CFTR: variants seen among roughly 807,000 people sequenced by gnomAD.
CFTR encodes CF transmembrane conductance regulator, also known as cystic fibrosis transmembrane conductance regulator.
A neutral mutation model predicts 171.6 loss-of-function variants in CFTR; 181 were observed. That is an observed-to-expected ratio of 1.05 (90% confidence interval 0.93 to 1.19). The LOEUF (loss-of-function observed/expected upper bound fraction) is 1.19. CFTR is among the 50% of genes most tolerant of loss of function. CFTR has a pLI of 0.00. For synonymous variants in CFTR, 583 were observed against 608.0 expected, an observed-to-expected ratio of 0.96 and a Z score of 0.60; for missense variants, 1,968 against 1,734.7, an observed-to-expected ratio of 1.13 and a Z score of -2.39.
In CFTR at chr7:117,666,976, C is replaced by G; in HGVS notation, c.4311C>G (p.Phe1437Leu). The G allele has an allele frequency of 6.2e-7, 1 of 1,614,026 alleles. No homozygotes were observed. Among genetic ancestry groups the G allele is most frequent in the Non-Finnish European group, 8.5e-7 (1 of 1,179,982 alleles). The change falls in exon 27 of 27, where the codon TTC becomes TTG. Residue 1437 changes from phenylalanine to leucine, a missense_variant. By Grantham distance (22) the Phe-to-Leu change is conservative. Transcript: ENST00000003084. ...IQKLLNERSL[F>L]RQAISPSDRV... Reference sequence around the variant, plus strand: ...AACTGCTGAACGAGAGGAGCCTCTTCCGGCAAGCCATCAGCCCCTCCGACA... The same window carrying G: ...AACTGCTGAACGAGAGGAGCCTCTTGCGGCAAGCCATCAGCCCCTCCGACA...
chr7:117,499,910 G>A (rs1798294740), intron 1 of CFTR, among the ~76,000 whole-genome samples: 1 of 152,154 alleles, frequency 6.6e-6, no homozygotes, highest in Admixed American at 6.5e-5. Flanking sequence ...GCTATGAATG[G>A]AGGTTATGAA....
intron 3 of CFTR, among the ~76,000 whole-genome samples, chr7:117,521,521 T>G (rs1363446158): frequency 6.6e-6 from 1 of 152,130 alleles, no homozygotes; most frequent in African/African-American, 2.4e-5. Context: ...TTTATCAGAT[T>G]CCTTTTCAGT....
chr7:117,631,955 AACAG>A (rs1197913242), intron 22 of CFTR, among the ~76,000 whole-genome samples: 5 of 152,172 alleles, frequency 3.3e-5, no homozygotes, highest in African/African-American at 9.6e-5. Flanking sequence ...CTATGCTAAT[AACAG>A]ACAGTTGTCA....
In CFTR at chr7:117,614,701, T is replaced by C; in HGVS notation, c.3456T>C (p.Asp1152=). The change falls in exon 21 of 27, where the codon GAT becomes GAC. Residue 1152 remains aspartate (D), a synonymous_variant. Transcript: ENST00000003084. ...TLQWAVNSSI[D]VDSLMRSVSR... ...AGTGGGCTGTAAACTCCAGCATAGA[T>C]GTGGATAGCTTGGTAAGTCTTATCA... The C allele has an allele frequency of 6.2e-7, 1 of 1,609,578 alleles. No homozygotes were observed. Among genetic ancestry groups the C allele is most frequent in the Non-Finnish European group, 8.5e-7 (1 of 1,176,192 alleles).
intron 11 of CFTR, among the ~76,000 whole-genome samples, chr7:117,581,627 C>T (rs1239786450): frequency 6.6e-6 from 1 of 152,122 alleles, no homozygotes; most frequent in Non-Finnish European, 1.5e-5. Context: ...CAAGTTAGGG[C>T]CAGAAAAGAC....
At position 117,550,648 on chromosome 7, in the gene CFTR, G is replaced by A. The variant is rs1799253382; in HGVS notation, c.1392+1825G>A. Among the ~76,000 whole-genome samples, 3 of 152,092 alleles carry A rather than the reference G, an allele frequency of 2.0e-5. 1 individual carries two copies. The South Asian group carries it at 6.2e-4, about 32-fold the overall frequency. Reference sequence around the variant, plus strand: ...TCATAGAATTTTTAAAATTAATTCTGCGTATGTCTTCAAGATCAATTCTAT... The same window carrying A: ...TCATAGAATTTTTAAAATTAATTCTACGTATGTCTTCAAGATCAATTCTAT... On this transcript the variant is annotated intron_variant, in intron 10 of 26. Transcript: ENST00000003084.
intron 11 of CFTR, among the ~76,000 whole-genome samples, chr7:117,585,716 G>A (rs938261477): frequency 1.3e-5 from 2 of 151,956 alleles, no homozygotes; most frequent in African/African-American, 4.8e-5. Flanking sequence ...ATCATAGCTC[G>A]CTATAGCCTC....
intron 4 of CFTR, among the ~76,000 whole-genome samples, chr7:117,531,464 A>G (rs1293458433): frequency 1.3e-5 from 2 of 152,078 alleles, no homozygotes; most frequent in Non-Finnish European, 2.9e-5. Flanking sequence ...AAAATGCCAC[A>G]TATCTTTATG....
intron 23 of CFTR, among the ~76,000 whole-genome samples, chr7:117,650,113 C>T (rs187597878): frequency 6.0e-5 from 9 of 150,248 alleles, no homozygotes; most frequent in Non-Finnish European, 1.3e-4. Context: ...TCTTAAAGGC[C>T]TGAGTGTAGT....
At chr7:117,607,290 T>TA (rs1792314364) in intron 18 of CFTR, among the ~76,000 whole-genome samples, 1 of 152,140 alleles carries the variant, frequency 6.6e-6, no homozygotes, top group Admixed American at 6.6e-5. Context: ...TCTAGGGTTT[T>TA]ATGAGGGCTG....
chr7:117,655,444 T>G (rs1267976514), intron 24 of CFTR, among the ~76,000 whole-genome samples: 1 of 152,178 alleles, frequency 6.6e-6, no homozygotes, highest in Non-Finnish European at 1.5e-5. Context: ...TGAAAACCCA[T>G]CAGATTGGCC....
In CFTR at chr7:117,612,234, T is replaced by TACACACACACACAC. The variant is rs112904263; in HGVS notation, c.3367+440_3367+453dup. 5.4e-3 allele frequency among the ~76,000 whole-genome samples: 764 copies of TACACACACACACAC among 140,928 alleles called. 7 individuals carry two copies. Among genetic ancestry groups the TACACACACACACAC allele is most frequent in the African/African-American group, 0.016 (605 of 37,458 alleles). The allele number at this position is 140,928 out of a possible 152,430, so 92.5% of individuals were successfully genotyped here. A position where few individuals can be genotyped will look rare whatever the true frequency, so the allele number is the denominator to read the frequency against. ...AGAGGGGAAATGAAACATCCGCATT[T>TACACACACACACAC]ACACACACACACACACACACACACA... On this transcript the variant is annotated intron_variant, in intron 20 of 26. Transcript: ENST00000003084.
intron 7 of CFTR, among the ~76,000 whole-genome samples, chr7:117,538,066 A>G (rs977096323): frequency 1.5e-4 from 23 of 152,172 alleles, no homozygotes; most frequent in Non-Finnish European, 3.2e-4. Context: ...TCTTACTTGG[A>G]ATTTCTCTTT....
intron 1 of CFTR, among the ~76,000 whole-genome samples, chr7:117,485,575 T>C (rs1418401778): frequency 1.3e-5 from 2 of 152,212 alleles, no homozygotes; most frequent in African/African-American, 4.8e-5. Context: ...ACGGCTTTAC[T>C]GTAGGGCATT....
chr7:117,491,390 G>A (rs1798157618), intron 1 of CFTR, among the ~76,000 whole-genome samples: 1 of 151,990 alleles, frequency 6.6e-6, no homozygotes, highest in African/African-American at 2.4e-5. Context: ...ATTAGGGCCA[G>A]CGTATTAGTT....
At chr7:117,523,085 T>G (rs936595030) in intron 3 of CFTR, among the ~76,000 whole-genome samples, 1 of 152,176 alleles carries the variant, frequency 6.6e-6, no homozygotes, top group African/African-American at 2.4e-5. Context: ...CCTTCCAGAG[T>G]AATGCTACCA....
At chr7:117,558,535 C>T (rs540038432) in intron 10 of CFTR, among the ~76,000 whole-genome samples, 65 of 150,148 alleles carry the variant, frequency 4.3e-4, no homozygotes, top group African/African-American at 1.5e-3. Context: ...GCCTGGGTGA[C>T]AGAGTGAGAC....
At chr7:117,553,925 G>A (rs558967329) in intron 10 of CFTR, among the ~76,000 whole-genome samples, 212 of 152,268 alleles carry the variant, frequency 1.4e-3, no homozygotes, top group African/African-American at 4.9e-3. Flanking sequence ...GCTTTCAGAT[G>A]GGACTGACTA....
At chr7:117,505,540 C>G (rs1162179270) in intron 2 of CFTR, among the ~76,000 whole-genome samples, 2 of 152,106 alleles carry the variant, frequency 1.3e-5, no homozygotes, top group African/African-American at 4.8e-5. Context: ...CTGGTTAGAA[C>G]TCTTTGCTCC....
Sources: allele counts gnomAD v4.1 joint callset (sites outside exome capture counted in the v4.1 genomes callset), GRCh38; gene constraint gnomAD v4.1.1; transcripts MANE v1.5; gene names NCBI Gene and HGNC (gene_info 2026-07-23, HGNC 2026-07-21).